KLHL7: variants seen among roughly 807,000 people sequenced by gnomAD.
KLHL7 encodes kelch-like protein 7.
Under a neutral mutation model 67.4 loss-of-function variants are expected in KLHL7, and 44 were observed. That is an observed-to-expected ratio of 0.65 (90% CI 0.51 to 0.84). The LOEUF (loss-of-function observed/expected upper bound fraction) is 0.84, where lower values mean the gene tolerates loss of function less well. KLHL7 is among the 40% of genes least tolerant of loss of function. The pLI, the probability that KLHL7 is intolerant of heterozygous loss-of-function variation, is 0.00. For missense variants in KLHL7, 362 were observed against 718.1 expected (o/e 0.50, Z 5.67); for synonymous variants, 252 against 243.3 (o/e 1.04, Z -0.33).
chr7:23,119,213 C>CT (rs372799466), intron 1 of KLHL7, among the ~76,000 whole-genome samples: 8 of 151,452 alleles, frequency 5.3e-5, no homozygotes, highest in African/African-American at 7.3e-5. Flanking sequence ...AATATTGTTC[C>CT]TTTTTTTTTG....
intron 4 of KLHL7, chr7:23,129,136 GC>G (rs1235829466): frequency 4.9e-5 from 8 of 164,178 alleles, no homozygotes; most frequent in Non-Finnish European, 7.8e-5. Flanking sequence ...TCAGACGAAA[GC>G]CCTACAGTTG....
In KLHL7 at chr7:23,174,492, A is replaced by G. The variant is rs985504221; in HGVS notation, c.*194A>G. ...AAAGATCATATTTTAGCTGGCCACAAAACCAAGAACATATCTAGCAAGAAA... is the reference window on the plus strand; with the variant it reads ...AAAGATCATATTTTAGCTGGCCACAGAACCAAGAACATATCTAGCAAGAAA... On this transcript the variant is annotated 3_prime_UTR_variant, in exon 11 of 11. Transcript: ENST00000339077. 1.4e-6 allele frequency: 1 copy of G among 704,196 alleles called. No homozygotes were observed. Among genetic ancestry groups the G allele is most frequent in the Non-Finnish European group, 2.6e-6 (1 of 391,608 alleles). The allele number at this position is 704,196 out of a possible 1,614,324, so 43.6% of individuals were successfully genotyped here.
At chr7:23,163,314 G>T (rs551226209) in intron 7 of KLHL7, among the ~76,000 whole-genome samples, 1 of 152,030 alleles carries the variant, frequency 6.6e-6, no homozygotes, top group East Asian at 1.9e-4. Context: ...GGGATTACAC[G>T]TGCCTGCCAC....
At chr7:23,109,948 C>T (rs979326503) in intron 1 of KLHL7, among the ~76,000 whole-genome samples, 25 of 152,224 alleles carry the variant, frequency 1.6e-4, no homozygotes, top group Non-Finnish European at 2.6e-4. Context: ...TCCAGTGTCC[C>T]AGTTTTCTTG....
rs1483673204 is a variant in KLHL7, at chr7:23,174,338, A to G, written c.*40A>G. The G allele has an allele frequency of 1.2e-6, 2 of 1,605,534 alleles. No homozygotes were observed. Among genetic ancestry groups the G allele is most frequent in the East Asian group, 2.2e-5 (1 of 44,776 alleles). The stretch of plus-strand genomic sequence containing the variant: ...TCAGACTCATCAGAGACTCTAAAAT[A>G]TAGCCACCAGTGCTTTGTTCCAGGA... On this transcript the variant is annotated 3_prime_UTR_variant, in exon 11 of 11. Coordinates refer to ENST00000339077, the MANE Select transcript of KLHL7 (RefSeq NM_001031710.3).
chr7:23,133,409 CT>C (rs1450298800), intron 4 of KLHL7, among the ~76,000 whole-genome samples: 2 of 151,484 alleles, frequency 1.3e-5, no homozygotes, highest in Non-Finnish European at 2.9e-5. Context: ...GTAAATGGGG[CT>C]ACTTATTTTA....
intron 1 of KLHL7, among the ~76,000 whole-genome samples, chr7:23,115,708 C>G (rs963170914): frequency 1.1e-4 from 17 of 151,956 alleles, no homozygotes; most frequent in African/African-American, 3.9e-4. Context: ...CCACACCCGG[C>G]TAATTTTTTG....
chr7:23,164,966 C>T (rs934214009), intron 7 of KLHL7, among the ~76,000 whole-genome samples: 1 of 152,180 alleles, frequency 6.6e-6, no homozygotes, highest in Non-Finnish European at 1.5e-5. Context: ...TAGGGGCATC[C>T]CCCCATGCAC....
At chr7:23,145,801 A>G (rs1012167824) in intron 6 of KLHL7, among the ~76,000 whole-genome samples, 4 of 152,184 alleles carry the variant, frequency 2.6e-5, no homozygotes. Flanking sequence ...TAAAATCACA[A>G]CTCACTACAG....
intron 10 of KLHL7, among the ~76,000 whole-genome samples, chr7:23,173,521 G>A (rs1468771170): frequency 6.6e-6 from 1 of 152,090 alleles, no homozygotes; most frequent in Non-Finnish European, 1.5e-5. Flanking sequence ...ATGTACTAAA[G>A]AATCTTAAAT....
intron 7 of KLHL7, among the ~76,000 whole-genome samples, chr7:23,157,131 G>A (rs917049067): frequency 2.0e-5 from 3 of 152,130 alleles, no homozygotes; most frequent in Non-Finnish European, 4.4e-5. Context: ...GTGCATAAAT[G>A]AAGTATAAAC....
chr7:23,172,169 A>G (rs760074575), intron 9 of KLHL7: 3 of 456,400 alleles, frequency 6.6e-6, no homozygotes, highest in South Asian at 3.1e-5. Flanking sequence ...CACCTTCACA[A>G]TCACAAATGT....
intron 7 of KLHL7, among the ~76,000 whole-genome samples, chr7:23,164,456 G>T (rs992612171): frequency 2.0e-5 from 3 of 152,084 alleles, no homozygotes; most frequent in African/African-American, 4.8e-5. Flanking sequence ...TCATTCTGTG[G>T]TATACAGTTT....
At chr7:23,166,064 T>G in intron 8 of KLHL7, 126 bp downstream of exon 8, 3 of 1,133,564 alleles carry the variant, frequency 2.6e-6, no homozygotes, top group Admixed American at 3.8e-5. Flanking sequence ...AAATATGTGT[T>G]TGTCACATTT....
In KLHL7 at chr7:23,176,343, C is replaced by T. The variant is rs1785294631; in HGVS notation, c.*2045C>T. On this transcript the variant is annotated 3_prime_UTR_variant, in exon 11 of 11. Coordinates refer to ENST00000339077, the MANE Select transcript of KLHL7 (RefSeq NM_001031710.3). ...GTAGCTGCAGCACTTCAGTCTCTGT[C>T]TCTGTCTTCGCATGGGCTTTTTCCC... The T allele has an allele frequency of 6.6e-6, 1 of 152,286 alleles. No individual in the cohort carries two copies. The highest frequency in any genetic ancestry group is 1.9e-4 in the East Asian group (1 of 5,190). 9.4% of individuals were successfully genotyped at this position (152,286 alleles called of 1,614,324 possible).
Position 23,174,334 on chromosome 7 carries a change from A to C in KLHL7, c.*36A>C, listed in dbSNP as rs747687873. The C allele has an allele frequency of 4.4e-5, 70 of 1,605,492 alleles. No homozygotes were observed. The highest frequency in any genetic ancestry group is 5.9e-5 in the Non-Finnish European group (69 of 1,173,628). On this transcript the variant is annotated 3_prime_UTR_variant, in exon 11 of 11. Coordinates refer to ENST00000339077, the MANE Select transcript of KLHL7 (RefSeq NM_001031710.3). Reference sequence around the variant, plus strand: ...GACTTCAGACTCATCAGAGACTCTAAAATATAGCCACCAGTGCTTTGTTCC... The same window carrying C: ...GACTTCAGACTCATCAGAGACTCTACAATATAGCCACCAGTGCTTTGTTCC...
At chr7:23,159,069 T>A (rs1361175796) in intron 7 of KLHL7, among the ~76,000 whole-genome samples, 1 of 152,162 alleles carries the variant, frequency 6.6e-6, no homozygotes, top group East Asian at 1.9e-4. Flanking sequence ...ATTGTATAAC[T>A]GAATGGAATC....
chr7:23,116,271 A>T (rs924105047), intron 1 of KLHL7, among the ~76,000 whole-genome samples: 6 of 152,198 alleles, frequency 3.9e-5, no homozygotes, highest in Non-Finnish European at 8.8e-5. Context: ...AATGGCCTTT[A>T]ACATTCCTTT....
At chr7:23,119,803 A>G (rs1783255998) in intron 1 of KLHL7, among the ~76,000 whole-genome samples, 1 of 148,178 alleles carries the variant, frequency 6.7e-6, no homozygotes, top group Non-Finnish European at 1.5e-5. Flanking sequence ...GTGTTTCTTT[A>G]TGGCTTATTT....
Sources: allele counts gnomAD v4.1 joint callset (sites outside exome capture counted in the v4.1 genomes callset), GRCh38; gene constraint gnomAD v4.1.1; transcripts MANE v1.5; gene names NCBI Gene and HGNC (gene_info 2026-07-23, HGNC 2026-07-21).